Variants in GREM2 observed in about 807,000 individuals in gnomAD.
The protein encoded by GREM2 is gremlin-2.
GREM2 carries 11 observed loss-of-function variants against 14.2 expected under a neutral mutation model. The observed-to-expected ratio is 0.78, with a 90% CI of 0.49 to 1.28. The LOEUF (loss-of-function observed/expected upper bound fraction) is 1.28. Among genes scored for constraint, GREM2 ranks in the 50% most tolerant of loss-of-function variants. The pLI is 0.00. For missense variants in GREM2, 210 were observed against 218.5 expected (o/e 0.96, Z 0.24); for synonymous variants, 98 against 97.6 (o/e 1.00, Z -0.02).
intron 1 of GREM2, among the ~76,000 whole-genome samples, chr1:240,610,930 GGAAA>G (rs1206862542): frequency 6.6e-6 from 1 of 152,092 alleles, no homozygotes; most frequent in East Asian, 1.9e-4. Flanking sequence ...GCTTTTCCCA[GGAAA>G]GACTGAACTC....
At chr1:240,574,790 G>C (rs1679327842) in intron 1 of GREM2, among the ~76,000 whole-genome samples, 1 of 152,020 alleles carries the variant, frequency 6.6e-6, no homozygotes, top group Non-Finnish European at 1.5e-5. Context: ...AAGATATATT[G>C]ACAGACAAGT....
intron 1 of GREM2, among the ~76,000 whole-genome samples, chr1:240,545,395 T>C (rs1678695062): frequency 6.6e-6 from 1 of 152,270 alleles, no homozygotes; most frequent in Admixed American, 6.5e-5. Flanking sequence ...TCTTCATTTA[T>C]GTCCTTTAGA....
intron 1 of GREM2, among the ~76,000 whole-genome samples, chr1:240,515,765 T>G (rs1033057852): frequency 6.6e-5 from 10 of 152,178 alleles, no homozygotes; most frequent in African/African-American, 2.4e-4. Context: ...CATTAGTGCA[T>G]CATTATCTTT....
At chr1:240,514,309 A>G (rs1677903418) in intron 1 of GREM2, among the ~76,000 whole-genome samples, 2 of 151,326 alleles carry the variant, frequency 1.3e-5, no homozygotes, top group South Asian at 4.2e-4. Context: ...ATATTCCATT[A>G]GAGGTGAGAC....
At chr1:240,546,060 C>T (rs1678709667) in intron 1 of GREM2, among the ~76,000 whole-genome samples, 1 of 152,128 alleles carries the variant, frequency 6.6e-6, no homozygotes, top group Non-Finnish European at 1.5e-5. Flanking sequence ...GCTGGCCAGG[C>T]ACGGTGGCGC....
At chr1:240,591,106 C>T (rs1679706812) in intron 1 of GREM2, among the ~76,000 whole-genome samples, 1 of 152,122 alleles carries the variant, frequency 6.6e-6, no homozygotes, top group African/African-American at 2.4e-5. Flanking sequence ...CTGTCTTCTC[C>T]TTAACTGACA....
rs771216951 is a variant in GREM2, at chr1:240,548,346, TA to T, written c.-1-54871del. ...AAATAGGATCTTGGCTGCTCAATCTTACAAGACTCTAAAATTTTCTTCTTAA... is the reference window on the plus strand; with the variant it reads ...AAATAGGATCTTGGCTGCTCAATCTTCAAGACTCTAAAATTTTCTTCTTAA... On this transcript the variant is annotated intron_variant, in intron 1 of 1. Coordinates refer to ENST00000318160, the MANE Select transcript of GREM2 (RefSeq NM_022469.4). Among the ~76,000 whole-genome samples, 8 of 152,168 alleles carry T rather than the reference TA, an allele frequency of 5.3e-5. No homozygotes were observed. The East Asian group carries it at 1.4e-3, about 26-fold the overall frequency.
intron 1 of GREM2, among the ~76,000 whole-genome samples, chr1:240,533,309 G>A (rs572861991): frequency 6.6e-6 from 1 of 152,318 alleles, no homozygotes; most frequent in Admixed American, 6.5e-5. Context: ...TCTAGCCAAA[G>A]AGAACAGATC....
rs769123010 is a variant in GREM2, at chr1:240,537,519, C to T, written c.-1-44043G>A. On this transcript the variant is annotated intron_variant, in intron 1 of 1. Transcript: ENST00000318160. ...CAACAAAAGGAGTTCAGGCCGGGCA[C>T]GGTGGCTGTAATCCCAGCACTTTGG... Among the ~76,000 whole-genome samples, 22 of 152,012 alleles carry T rather than the reference C, an allele frequency of 1.4e-4. 1 individual carries two copies. Among genetic ancestry groups the T allele is most frequent in the Admixed American group, 5.2e-4 (8 of 15,252 alleles).
intron 1 of GREM2, among the ~76,000 whole-genome samples, chr1:240,582,265 G>A (rs558878695): frequency 6.6e-6 from 1 of 151,808 alleles, no homozygotes; most frequent in South Asian, 2.1e-4. Flanking sequence ...GTGAAACCCC[G>A]TCTCTACTAA....
chr1:240,551,637 C>CTTT (rs74486901), intron 1 of GREM2, among the ~76,000 whole-genome samples: 1 of 146,872 alleles, frequency 6.8e-6, no homozygotes, highest in Admixed American at 6.8e-5. Context: ...GTCTAGTTTA[C>CTTT]TTTTTTTTTT....
intron 1 of GREM2, among the ~76,000 whole-genome samples, chr1:240,565,759 T>A (rs960784776): frequency 6.6e-6 from 1 of 151,560 alleles, no homozygotes; most frequent in Admixed American, 6.6e-5. Context: ...GGCAGGAGAA[T>A]TGCTTGAACC....
chr1:240,511,910 C>T (rs1303477007), intron 1 of GREM2, among the ~76,000 whole-genome samples: 1 of 152,108 alleles, frequency 6.6e-6, no homozygotes. Context: ...AGCTGCTGCA[C>T]CCCCTCATAC....
chr1:240,583,252 AG>A, intron 1 of GREM2, among the ~76,000 whole-genome samples: 1 of 152,282 alleles, frequency 6.6e-6, no homozygotes, highest in South Asian at 2.1e-4. Context: ...AATCTCATGG[AG>A]GAAAAAAAAG....
At chr1:240,516,231 G>T (rs544452613) in intron 1 of GREM2, among the ~76,000 whole-genome samples, 4 of 151,820 alleles carry the variant, frequency 2.6e-5, no homozygotes, top group African/African-American at 9.7e-5. Context: ...CAGTAGGTAA[G>T]TCTAGAGGCA....
At chr1:240,591,336 A>G (rs1229150149) in intron 1 of GREM2, among the ~76,000 whole-genome samples, 1 of 152,202 alleles carries the variant, frequency 6.6e-6, no homozygotes, top group East Asian at 1.9e-4. Context: ...GACTCAATAA[A>G]CGCTTGTTGA....
At chr1:240,519,805 G>A (rs1387501517) in intron 1 of GREM2, among the ~76,000 whole-genome samples, 1 of 152,142 alleles carries the variant, frequency 6.6e-6, no homozygotes, top group Non-Finnish European at 1.5e-5. Flanking sequence ...CCAAGTCCAG[G>A]AGCGGTGGCT....
chr1:240,570,789 A>G (rs1438044962), intron 1 of GREM2, among the ~76,000 whole-genome samples: 2 of 152,184 alleles, frequency 1.3e-5, no homozygotes, highest in African/African-American at 4.8e-5. Context: ...AGTATCAGGT[A>G]TTTATAGGCC....
In GREM2 at chr1:240,542,400, T is replaced by A. The variant is rs1467812057; in HGVS notation, c.-1-48924A>T. Among the ~76,000 whole-genome samples, 1 of 148,082 alleles carries A rather than the reference T, an allele frequency of 6.8e-6. No individual in the cohort carries two copies. The highest frequency in any genetic ancestry group is 1.5e-5 in the Non-Finnish European group (1 of 67,398). ...TGGGCAGATCACTTGCGGCCAGGAG[T>A]TCGAGACCAGCCTGGCCAACATGGC... On this transcript the variant is annotated intron_variant, in intron 1 of 1. Coordinates refer to ENST00000318160, the MANE Select transcript of GREM2 (RefSeq NM_022469.4). This position sits in a 1 kb window ranked among gnomAD's most constrained non-coding sequence, Gnocchi z 4.1.
Sources: gnomAD v4.1 joint callset for allele counts (sites outside exome capture counted in the v4.1 genomes callset) on GRCh38, gnomAD v4.1.1 for gene constraint, Gnocchi (gnomAD v3.1) non-coding constraint, MANE v1.5 for transcripts, NCBI Gene and HGNC (gene_info 2026-07-23, HGNC 2026-07-21) for gene names.